Variants in GAB2 observed in about 807,000 individuals in gnomAD.
GAB2 encodes the protein GRB2-associated-binding protein 2.
Under a neutral mutation model 65.5 loss-of-function variants are expected in GAB2, and 26 were observed. The observed-to-expected ratio is 0.40, with a 90% confidence interval of 0.29 to 0.55. GAB2 has a LOEUF of 0.55. Ranked by LOEUF, GAB2 falls within the 20% of genes least tolerant of loss-of-function variation. The pLI, the probability that GAB2 is intolerant of heterozygous loss-of-function variation, is 0.53. For synonymous variants in GAB2, 321 were observed against 329.6 expected (o/e 0.97, Z 0.28); for missense variants, 884 against 875.8 (o/e 1.01, Z -0.12).
intron 1 of GAB2, among the ~76,000 whole-genome samples, chr11:78,355,639 C>T (rs546392362): frequency 1.6e-4 from 22 of 141,146 alleles, no homozygotes; most frequent in African/African-American, 3.8e-4. Context: ...ATTGCGCCAC[C>T]GCTCTTCAGC....
At chr11:78,305,447 GCAAGAGAGAGCTC>G (rs1855335855) in intron 1 of GAB2, among the ~76,000 whole-genome samples, 2 of 152,192 alleles carry the variant, frequency 1.3e-5, no homozygotes, top group African/African-American at 4.8e-5. Flanking sequence ...TTTAGGCAGG[GCAAGAGAGAGCTC>G]CACAGAGGGG....
intron 1 of GAB2, among the ~76,000 whole-genome samples, chr11:78,292,692 A>G (rs999320127): frequency 3.3e-5 from 5 of 152,232 alleles, no homozygotes; most frequent in Non-Finnish European, 7.3e-5. Flanking sequence ...ACATTTTTGA[A>G]GGCACACTTC....
intron 1 of GAB2, among the ~76,000 whole-genome samples, chr11:78,342,714 T>A (rs1403642647): frequency 6.6e-6 from 1 of 152,148 alleles, no homozygotes; most frequent in East Asian, 1.9e-4. Flanking sequence ...GGCCTGCACT[T>A]CTTGTTAGAT....
At chr11:78,244,922 A>G (rs114474760) in intron 3 of GAB2, among the ~76,000 whole-genome samples, 124 of 152,352 alleles carry the variant, frequency 8.1e-4, no homozygotes, top group African/African-American at 2.9e-3. Context: ...TGATCCAGCA[A>G]TCCCATTACT....
intron 1 of GAB2, among the ~76,000 whole-genome samples, chr11:78,403,505 T>C (rs568791532): frequency 6.6e-5 from 10 of 152,330 alleles, no homozygotes; most frequent in South Asian, 6.2e-4. Flanking sequence ...GTTTCTTCAA[T>C]AAATGTTCTA....
chr11:78,354,207 T>C (rs1856323138), intron 1 of GAB2, among the ~76,000 whole-genome samples: 1 of 152,334 alleles, frequency 6.6e-6, no homozygotes, highest in South Asian at 2.1e-4. Flanking sequence ...CCAGAGACCA[T>C]GATTACCTCC....
chr11:78,258,507 T>C (rs1305175997), intron 2 of GAB2, among the ~76,000 whole-genome samples: 3 of 152,242 alleles, frequency 2.0e-5, no homozygotes, highest in Non-Finnish European at 2.9e-5. Context: ...CTATTTTATT[T>C]AATTTTTTTC....
chr11:78,261,080 T>TGC (rs963682068), intron 2 of GAB2, among the ~76,000 whole-genome samples: 2 of 151,724 alleles, frequency 1.3e-5, no homozygotes, highest in African/African-American at 4.9e-5. Flanking sequence ...TATATATATG[T>TGC]GTGTGTGTAT....
intron 1 of GAB2, chr11:78,341,920 A>G (rs189135068): frequency 5.2e-5 from 51 of 982,218 alleles, no homozygotes; most frequent in Admixed American, 1.2e-4. Flanking sequence ...TGCAATGTTT[A>G]AAAATGCCTC....
At chr11:78,382,233 G>A (rs767144386) in intron 1 of GAB2, among the ~76,000 whole-genome samples, 1 of 152,042 alleles carries the variant, frequency 6.6e-6, no homozygotes, top group Non-Finnish European at 1.5e-5. Flanking sequence ...TCAGTTAACC[G>A]TTGATTGATT....
Position 78,408,655 on chromosome 11 carries a change from T to C in GAB2, c.75+8991A>G, listed in dbSNP as rs537596482. 9.9e-5 allele frequency among the ~76,000 whole-genome samples: 15 copies of C among 152,274 alleles called. No individual in the cohort carries two copies. The East Asian group carries it at 2.3e-3, about 24-fold the overall frequency. ...GTCCCTGCCCAAATCTGAGGTCAAATTGTCATCCCCAAATATTGGAGGTGG... is the reference window on the plus strand; with the variant it reads ...GTCCCTGCCCAAATCTGAGGTCAAACTGTCATCCCCAAATATTGGAGGTGG... On this transcript the variant is annotated intron_variant, in intron 1 of 9. Transcript: ENST00000361507.
chr11:78,393,843 G>A (rs1197534054), intron 1 of GAB2, among the ~76,000 whole-genome samples: 2 of 152,212 alleles, frequency 1.3e-5, no homozygotes, highest in South Asian at 4.1e-4. Flanking sequence ...CCATAAGGTA[G>A]TTATGTAAGA....
At chr11:78,316,789 G>C (rs987844801) in intron 1 of GAB2, among the ~76,000 whole-genome samples, 5 of 152,104 alleles carry the variant, frequency 3.3e-5, no homozygotes, top group Non-Finnish European at 5.9e-5. Flanking sequence ...TTTGGATACA[G>C]ACCCCAAAAA....
At chr11:78,287,593 G>C (rs1017573638) in intron 1 of GAB2, among the ~76,000 whole-genome samples, 1 of 151,774 alleles carries the variant, frequency 6.6e-6, no homozygotes, top group African/African-American at 2.4e-5. Flanking sequence ...TTAGATTTGA[G>C]AGACTGAATC....
chr11:78,306,581 T>G (rs1855364882), intron 1 of GAB2, among the ~76,000 whole-genome samples: 1 of 152,252 alleles, frequency 6.6e-6, no homozygotes, highest in East Asian at 1.9e-4. Context: ...TCATAAGTTT[T>G]CTCTGAAAGG....
chr11:78,315,732 A>C (rs1855589794), intron 1 of GAB2, among the ~76,000 whole-genome samples: 1 of 152,220 alleles, frequency 6.6e-6, no homozygotes, highest in Non-Finnish European at 1.5e-5. Context: ...AAGACAATCC[A>C]CTGAATGGAA....
chr11:78,312,240 G>A (rs982719645), intron 1 of GAB2, among the ~76,000 whole-genome samples: 1 of 150,882 alleles, frequency 6.6e-6, no homozygotes, highest in Non-Finnish European at 1.5e-5. Context: ...AAAGTAAGAG[G>A]AAAACAAGAG....
chr11:78,301,611 G>A (rs1867022216), intron 1 of GAB2, among the ~76,000 whole-genome samples: 1 of 152,128 alleles, frequency 6.6e-6, no homozygotes, highest in African/African-American at 2.4e-5. Flanking sequence ...GGGATTACAG[G>A]CGTGAGCCAC....
intron 1 of GAB2, among the ~76,000 whole-genome samples, chr11:78,282,007 A>T (rs939609476): frequency 1.3e-5 from 2 of 152,236 alleles, no homozygotes; most frequent in South Asian, 4.1e-4. Flanking sequence ...ATCACAGAGA[A>T]ACTGCTCTAA....
Sources: allele counts gnomAD v4.1 joint callset (sites outside exome capture counted in the v4.1 genomes callset), GRCh38; gene constraint gnomAD v4.1.1; transcripts MANE v1.5; gene names NCBI Gene and HGNC (gene_info 2026-07-23, HGNC 2026-07-21).